SLC38A8: variants seen among roughly 807,000 people sequenced by gnomAD.
SLC38A8 encodes solute carrier family 38 member 8.
SLC38A8 carries 65 observed loss-of-function variants against 46.0 expected under a neutral mutation model. The ratio of observed to expected loss-of-function variants is 1.41; its 90% CI spans 1.16 to 1.74. SLC38A8 has a LOEUF of 1.74. Among genes scored for constraint, SLC38A8 ranks in the 40% most tolerant of loss-of-function variants. The pLI, the probability that SLC38A8 is intolerant of heterozygous loss-of-function variation, is 0.00. For synonymous variants in SLC38A8, 447 were observed against 243.7 expected, an observed-to-expected ratio of 1.83 and a Z score of -7.77; for missense variants, 998 against 567.9, an observed-to-expected ratio of 1.76 and a Z score of -7.70.
At chr16:84,029,160 C>A (rs139062659) in intron 6 of SLC38A8, among the ~76,000 whole-genome samples, 1 of 152,174 alleles carries the variant, frequency 6.6e-6, no homozygotes, top group Non-Finnish European at 1.5e-5. Flanking sequence ...GGTCTGACTG[C>A]AGTCCTGTGG....
At chr16:84,041,580 T>G (rs935386514) in intron 2 of SLC38A8, among the ~76,000 whole-genome samples, 5 of 152,294 alleles carry the variant, frequency 3.3e-5, no homozygotes, top group African/African-American at 1.2e-4. Flanking sequence ...CCCAAAGGGC[T>G]GCGATTATAG....
intron 9 of SLC38A8, among the ~76,000 whole-genome samples, chr16:84,015,792 G>T (rs968163004): frequency 1.3e-5 from 2 of 152,124 alleles, no homozygotes; most frequent in African/African-American, 4.8e-5. Flanking sequence ...TGCAACCTCC[G>T]CCTCCCGGGT....
intron 10 of SLC38A8, among the ~76,000 whole-genome samples, chr16:84,012,744 A>C (rs544469924): frequency 6.6e-6 from 1 of 152,290 alleles, no homozygotes; most frequent in South Asian, 2.1e-4. Context: ...CAGAGGCTGG[A>C]ATCTACATGA....
At chr16:84,018,830 G>A (rs1010012044) in intron 7 of SLC38A8, among the ~76,000 whole-genome samples, 16 of 152,274 alleles carry the variant, frequency 1.1e-4, no homozygotes, top group East Asian at 5.8e-4. Context: ...GGATCTGGTC[G>A]GGGCAGTGAA....
chr16:84,018,755 G>A (rs982838167), intron 7 of SLC38A8, among the ~76,000 whole-genome samples: 13 of 152,238 alleles, frequency 8.5e-5, no homozygotes, highest in East Asian at 3.9e-4. Context: ...TGAAGCGGCC[G>A]AAATGAGATG....
intron 10 of SLC38A8, 136 bp from the exon 11 acceptor site, chr16:84,010,013 CA>C (rs2084935938): frequency 3.2e-6 from 2 of 618,152 alleles, no homozygotes; most frequent in Admixed American, 3.7e-5. Context: ...AGAATATTTC[CA>C]GTTACCTGTA....
At chr16:84,026,362 G>A (rs2085164586) in intron 6 of SLC38A8, among the ~76,000 whole-genome samples, 1 of 152,212 alleles carries the variant, frequency 6.6e-6, no homozygotes, top group Non-Finnish European at 1.5e-5. Context: ...AAGTAGCTGG[G>A]ATTACAGGCC....
intron 7 of SLC38A8, among the ~76,000 whole-genome samples, chr16:84,019,053 TCTTA>T (rs992458781): frequency 7.2e-5 from 11 of 151,996 alleles, no homozygotes; most frequent in African/African-American, 2.7e-4. Flanking sequence ...GTCAGCTAGC[TCTTA>T]CTGAAACTAC....
intron 9 of SLC38A8, among the ~76,000 whole-genome samples, chr16:84,015,376 G>C (rs112609508): frequency 1.3e-5 from 2 of 152,042 alleles, no homozygotes; most frequent in African/African-American, 4.8e-5. Flanking sequence ...ACCATCCTTC[G>C]CAGAAACGGT....
intron 3 of SLC38A8, among the ~76,000 whole-genome samples, chr16:84,034,428 C>A (rs76114803): frequency 3.9e-4 from 60 of 152,268 alleles, no homozygotes; most frequent in African/African-American, 1.3e-3. Flanking sequence ...AGAGGTAAGA[C>A]AGATGGGGGA....
chr16:84,029,268 C>T (rs1160484830), intron 6 of SLC38A8, among the ~76,000 whole-genome samples: 1 of 152,170 alleles, frequency 6.6e-6, no homozygotes, highest in Non-Finnish European at 1.5e-5. Flanking sequence ...GGGCTGGATT[C>T]CCAAGTTCAA....
intron 2 of SLC38A8, 48 bp downstream of exon 2, chr16:84,041,921 C>T: frequency 1.3e-6 from 2 of 1,509,818 alleles, no homozygotes; most frequent in Non-Finnish European, 1.8e-6. Flanking sequence ...CCAGAAAAGC[C>T]AAAGCCACCT....
chr16:84,031,543 A>C (rs956857218), intron 5 of SLC38A8, among the ~76,000 whole-genome samples: 11 of 150,904 alleles, frequency 7.3e-5, no homozygotes, highest in African/African-American at 2.4e-4. Flanking sequence ...GCCCCGGTAC[A>C]TGCAGCTGGA....
At chr16:84,039,243 T>G (rs1389150916) in intron 2 of SLC38A8, among the ~76,000 whole-genome samples, 1 of 152,144 alleles carries the variant, frequency 6.6e-6, no homozygotes, top group East Asian at 1.9e-4. Flanking sequence ...AGAGAATACA[T>G]TTCCAGTGTT....
At position 84,029,527 on chromosome 16, in the gene SLC38A8, G is replaced by A. The variant is rs923275091; in HGVS notation, c.657C>T (p.Phe219=). 3 of 1,614,014 alleles carry A rather than the reference G, an allele frequency of 1.9e-6. No individual in the cohort carries two copies. The highest frequency in any genetic ancestry group is 2.5e-6 in the Non-Finnish European group (3 of 1,180,020). Residue 219 remains phenylalanine, a synonymous_variant, in exon 6 of 11, where the codon TTC becomes TTT. Coordinates refer to ENST00000299709, the MANE Select transcript of SLC38A8 (RefSeq NM_001080442.3). ...SLSPASWTSV[F]SVFPTICFGF... ...CGAAGCAGATGGTGGGGAAGACACT[G>A]AACACAGAGGTCCAGGAGGCAGGGC...
intron 7 of SLC38A8, among the ~76,000 whole-genome samples, chr16:84,019,359 C>T (rs1413553282): frequency 2.0e-5 from 3 of 152,088 alleles, no homozygotes; most frequent in Non-Finnish European, 4.4e-5. Context: ...CAAGCATGAG[C>T]CACCGCACCC....
At chr16:84,031,992 G>T (rs368397940) in intron 4 of SLC38A8, 24 bp from the exon 5 acceptor site, 3 of 1,597,378 alleles carry the variant, frequency 1.9e-6, no homozygotes, top group Admixed American at 1.7e-5. Flanking sequence ...CGTGTGAGGG[G>T]CTGCGCAGTG....
rs961672903 is a variant in SLC38A8, at chr16:84,028,854, C to G, written c.690+640G>C. Among the ~76,000 whole-genome samples, 9 of 152,148 alleles carry G rather than the reference C, an allele frequency of 5.9e-5. 1 individual carries two copies. Among genetic ancestry groups the G allele is most frequent in the Non-Finnish European group, 1.2e-4 (8 of 68,028 alleles). On this transcript the variant is annotated intron_variant, in intron 6 of 10. Coordinates refer to ENST00000299709, the MANE Select transcript of SLC38A8 (RefSeq NM_001080442.3). The stretch of plus-strand genomic sequence containing the variant: ...CGCTTCCAGTCACCTGGCTGCTGCC[C>G]ATACATCCTTCAAGATCCCTTTCAA...
chr16:84,041,474 C>T (rs34216467), intron 2 of SLC38A8: 31,256 of 152,666 alleles, frequency 0.2, 3,709 homozygotes, highest in East Asian at 0.3. Context: ...CACCACGCCC[C>T]GCTAATTTTT....
Sources: allele counts gnomAD v4.1 joint callset (sites outside exome capture counted in the v4.1 genomes callset), GRCh38; gene constraint gnomAD v4.1.1; transcripts MANE v1.5; gene names NCBI Gene and HGNC (gene_info 2026-07-23, HGNC 2026-07-21).